Variants in RPS6KB1 observed in about 807,000 individuals in gnomAD.
The protein encoded by RPS6KB1 is ribosomal protein S6 kinase B1.
In RPS6KB1, 12 loss-of-function variants were observed where a neutral mutation model predicts 70.2. That is an observed-to-expected ratio of 0.17 (90% CI 0.11 to 0.28). The LOEUF (loss-of-function observed/expected upper bound fraction) is 0.28, where lower values mean the gene tolerates loss of function less well. Among genes scored for constraint, RPS6KB1 ranks in the 10% least tolerant of loss-of-function variants. RPS6KB1 has a pLI of 1.00. For synonymous variants in RPS6KB1, 175 were observed against 211.2 expected (o/e 0.83, Z 1.49); for missense variants, 270 against 646.6 (o/e 0.42, Z 6.32).
intron 13 of RPS6KB1, among the ~76,000 whole-genome samples, chr17:59,943,922 A>G (rs1390159501): frequency 7.1e-6 from 1 of 141,422 alleles, no homozygotes; most frequent in Admixed American, 7.1e-5. Flanking sequence ...ATATATATAT[A>G]CACACATACA....
intron 4 of RPS6KB1, among the ~76,000 whole-genome samples, chr17:59,922,757 G>C (rs2043350388): frequency 6.6e-6 from 1 of 151,578 alleles, no homozygotes; most frequent in Non-Finnish European, 1.5e-5. Flanking sequence ...TGTTGGCCAG[G>C]ATGGTCTCGA....
At position 59,934,906 on chromosome 17, in the gene RPS6KB1, G is replaced by A; in HGVS notation, c.871-287G>A. 2.8e-6 allele frequency: 1 copy of A among 359,430 alleles called. No homozygotes were observed. The allele number at this position is 359,430 out of a possible 1,614,324, so 22.3% of individuals were successfully genotyped here. A position where few individuals can be genotyped will look rare whatever the true frequency, so the allele number is the denominator to read the frequency against. ...CCTGTTGCTTAAAAACTGCACGTCT[G>A]CCGGCCACAGTGGTGCATGCCTGTA... On this transcript the variant is annotated intron_variant, in intron 9 of 14. Transcript: ENST00000225577. This position sits in a 1 kb window ranked among gnomAD's most constrained non-coding sequence, Gnocchi z 4.8.
chr17:59,921,874 C>T (rs2043283745), intron 4 of RPS6KB1, among the ~76,000 whole-genome samples: 2 of 152,156 alleles, frequency 1.3e-5, no homozygotes, highest in South Asian at 4.1e-4. Flanking sequence ...ATAACTTTCT[C>T]ACTTTTGACT....
intron 4 of RPS6KB1, among the ~76,000 whole-genome samples, chr17:59,924,551 G>T (rs1423726586): frequency 6.6e-6 from 1 of 151,560 alleles, no homozygotes; most frequent in Non-Finnish European, 1.5e-5. Context: ...TTTGATTTAG[G>T]GAAGAAAAAA....
chr17:59,919,139 C>G (rs1014620001), intron 4 of RPS6KB1, among the ~76,000 whole-genome samples: 1 of 152,166 alleles, frequency 6.6e-6, no homozygotes, highest in Non-Finnish European at 1.5e-5. Flanking sequence ...AAGAGTAGAA[C>G]TCTGAAAAGC....
At chr17:59,896,642 A>T (rs1317280730) in intron 1 of RPS6KB1, among the ~76,000 whole-genome samples, 1 of 152,008 alleles carries the variant, frequency 6.6e-6, no homozygotes, top group African/African-American at 2.4e-5. Flanking sequence ...TGTGAGGAGG[A>T]GGTCAGAAAA....
chr17:59,940,148 C>T (rs907227425), intron 12 of RPS6KB1, among the ~76,000 whole-genome samples: 1 of 152,088 alleles, frequency 6.6e-6, no homozygotes, highest in Non-Finnish European at 1.5e-5. Flanking sequence ...TACAAACCTG[C>T]AGTAGCCAAC....
rs147955400 is a variant in RPS6KB1, at chr17:59,934,496, C to T, written c.842C>T (p.Ala281Val). ...NRAVDWWSLG[A>V]LMYDMLTGAP... ...GCTGTGGATTGGTGGAGTTTGGGAG[C>T]ATTAATGTATGACATGCTGACTGGA... is the stretch of plus-strand genomic sequence containing the variant. The change falls in exon 9 of 15, where the codon GCA becomes GTA. Residue 281 changes from alanine (A) to valine (V), a missense_variant. This residue lies in a region of RPS6KB1 where 133 missense variants were observed against 314.7 expected (regional missense o/e 0.42). Coordinates refer to ENST00000225577, the MANE Select transcript of RPS6KB1 (RefSeq NM_003161.4). This position sits in a 1 kb window ranked among gnomAD's most constrained non-coding sequence, Gnocchi z 4.8. 6.2e-7 allele frequency: 1 copy of T among 1,613,674 alleles called. No homozygotes were observed. The highest frequency in any genetic ancestry group is 8.5e-7 in the Non-Finnish European group (1 of 1,179,696).
At chr17:59,900,515 G>A (rs902738328) in intron 1 of RPS6KB1, among the ~76,000 whole-genome samples, 10 of 151,866 alleles carry the variant, frequency 6.6e-5, no homozygotes, top group Admixed American at 5.9e-4. Flanking sequence ...ACAAGTGCCC[G>A]CCACCAGGCC....
intron 4 of RPS6KB1, among the ~76,000 whole-genome samples, chr17:59,918,174 C>T (rs988919469): frequency 1.6e-4 from 25 of 151,948 alleles, no homozygotes; most frequent in East Asian, 1.4e-3. Flanking sequence ...TTAGGTGATC[C>T]GCCCGCCTTG....
chr17:59,915,791 T>A (rs1053177495), intron 4 of RPS6KB1, among the ~76,000 whole-genome samples: 6 of 134,036 alleles, frequency 4.5e-5, no homozygotes, highest in Non-Finnish European at 8.0e-5. Flanking sequence ...TTTTTTTTTT[T>A]TTTTTTTTAT....
intron 10 of RPS6KB1, among the ~76,000 whole-genome samples, chr17:59,935,526 G>A (rs1248334862): frequency 6.6e-6 from 1 of 151,458 alleles, no homozygotes; most frequent in East Asian, 1.9e-4. Context: ...CCAGGCTAGA[G>A]TGCAGTGGTG....
At chr17:59,901,685 T>C (rs2041962275) in intron 1 of RPS6KB1, among the ~76,000 whole-genome samples, 1 of 149,766 alleles carries the variant, frequency 6.7e-6, no homozygotes, top group Non-Finnish European at 1.5e-5. Context: ...ATTTAGTTAC[T>C]TCTGATTCTC....
intron 12 of RPS6KB1, among the ~76,000 whole-genome samples, chr17:59,937,351 G>A (rs2645478): frequency 0.19 from 28,899 of 152,030 alleles, 2,943 homozygotes; most frequent in East Asian, 0.39. Flanking sequence ...TTTCTTCAAA[G>A]TATAGAATAT....
In RPS6KB1 at chr17:59,947,783, T is replaced by C. The variant is rs1418256753; in HGVS notation, c.*995T>C. The C allele has an allele frequency of 3.7e-6, 2 of 540,476 alleles. No homozygotes were observed. Among genetic ancestry groups the C allele is most frequent in the Non-Finnish European group, 6.7e-6 (2 of 298,334 alleles). 33.5% of individuals were successfully genotyped at this position (540,476 alleles called of 1,614,324 possible). A position where few individuals can be genotyped will look rare whatever the true frequency, so the allele number is the denominator to read the frequency against. ...AACAGAAGAGAGTCAGGATAAAAAA[T>C]ACATACTGTGGTCGGCAAGGTGAGG... On this transcript the variant is annotated 3_prime_UTR_variant, in exon 15 of 15. Coordinates refer to ENST00000225577, the MANE Select transcript of RPS6KB1 (RefSeq NM_003161.4).
At chr17:59,936,336 T>C (rs2044243055) in intron 11 of RPS6KB1, 59 bp downstream of exon 11, 1 of 1,529,944 alleles carries the variant, frequency 6.5e-7, no homozygotes, top group South Asian at 1.2e-5. Flanking sequence ...TATGTATTTC[T>C]GAGGGTTATA....
At chr17:59,936,050 A>T (rs1598806134) in intron 10 of RPS6KB1, among the ~76,000 whole-genome samples, 165 bp from the exon 11 acceptor site, 1 of 151,630 alleles carries the variant, frequency 6.6e-6, no homozygotes, top group Admixed American at 6.6e-5. Flanking sequence ...CAGGTGATCC[A>T]CCTGCCTCAG....
At chr17:59,901,713 A>G (rs2041963333) in intron 1 of RPS6KB1, among the ~76,000 whole-genome samples, 1 of 151,646 alleles carries the variant, frequency 6.6e-6, no homozygotes, top group African/African-American at 2.4e-5. Flanking sequence ...GCCCCAGGCA[A>G]CTAACCTATT....
intron 13 of RPS6KB1, among the ~76,000 whole-genome samples, chr17:59,941,277 C>A (rs1418843496): frequency 6.7e-6 from 1 of 149,764 alleles, no homozygotes; most frequent in Non-Finnish European, 1.5e-5. Context: ...ACCTCACTGA[C>A]TACATGTATT....
Sources: allele counts gnomAD v4.1 joint callset (sites outside exome capture counted in the v4.1 genomes callset), GRCh38; gene constraint gnomAD v4.1.1; regional missense constraint gnomAD v4.1.1; non-coding constraint Gnocchi (gnomAD v3.1); transcripts MANE v1.5; gene names NCBI Gene and HGNC (gene_info 2026-07-23, HGNC 2026-07-21).